The following ARHGAP11A variants were observed in gnomAD, a reference collection of about 807,000 sequenced individuals.
ARHGAP11A encodes the protein rho GTPase-activating protein 11A.
In ARHGAP11A, 36 loss-of-function variants were observed where a neutral mutation model predicts 60.5. That is an observed-to-expected ratio of 0.59 (90% confidence interval 0.46 to 0.79). The LOEUF is 0.79. Ranked by LOEUF, ARHGAP11A falls within the 30% of genes least tolerant of loss-of-function variation. The pLI is 0.00. For missense variants in ARHGAP11A, 1,071 were observed against 1,199.2 expected, an observed-to-expected ratio of 0.89 and a Z score of 1.58; for synonymous variants, 362 against 415.5, an observed-to-expected ratio of 0.87 and a Z score of 1.57.
chr15:32,624,074 T>G, intron 3 of ARHGAP11A, 99 bp from the exon 4 acceptor site: 1 of 1,426,086 alleles, frequency 7.0e-7, no homozygotes, highest in Admixed American at 2.2e-5. Context: ...TAAGAGAAAT[T>G]TATTAAAGAA....
Position 32,625,497 on chromosome 15 carries a change from A to G in ARHGAP11A, c.726A>G (p.Pro242=). ...IDYASDIGRV[P]DFILEKIPAM... ...AACATTTTCATTTAGGGCGTGTACC[A>G]GATTTTATCCTGGAAAAGATACCAG... Residue 242 remains proline, a synonymous_variant, in exon 6 of 12, where the codon CCA becomes CCG. Transcript: ENST00000361627. The G allele has an allele frequency of 1.2e-6, 2 of 1,613,970 alleles. No individual in the cohort carries two copies. Among genetic ancestry groups the G allele is most frequent in the South Asian group, 2.2e-5 (2 of 91,074 alleles).
intron 1 of ARHGAP11A, among the ~76,000 whole-genome samples, chr15:32,618,429 T>A (rs28633272): frequency 0.27 from 41,120 of 152,226 alleles, 6,001 homozygotes; most frequent in Middle Eastern, 0.35. Context: ...TAACATTTTT[T>A]AAAATAGTTC....
intron 6 of ARHGAP11A, among the ~76,000 whole-genome samples, chr15:32,627,811 C>CT (rs369719619): frequency 0.83 from 112,107 of 135,718 alleles, 47,189 homozygotes; most frequent in East Asian, 0.91. Flanking sequence ...TTAAGGCTCA[C>CT]TTTTTTTTTT....
rs1419333597 is a variant in ARHGAP11A at position 32,636,383 on chromosome 15, C to A, written c.1610C>A (p.Ala537Asp). Residue 537 changes from alanine to aspartate, a missense_variant, in exon 12 of 12, where the codon GCT (alanine) becomes GAT (aspartate). Around this residue, in one of 4 missense-constraint regions of ARHGAP11A, gnomAD observed 776 missense variants for 760.2 expected, o/e 1.02. Transcript: ENST00000361627. The part of the protein sequence containing the change: ...SSFQEVDANE[A>D]SSMVENLEVE... ...TTTCAAGAAGTAGATGCAAATGAAG[C>A]TTCTTCAATGGTGGAAAATCTTGAG... 1 of 1,614,096 alleles carries A rather than the reference C, an allele frequency of 6.2e-7. No individual in the cohort carries two copies. Among genetic ancestry groups the A allele is most frequent in the African/African-American group, 1.3e-5 (1 of 75,044 alleles).
chr15:32,631,905 C>T (rs1263803930), intron 8 of ARHGAP11A, among the ~76,000 whole-genome samples: 1 of 152,156 alleles, frequency 6.6e-6, no homozygotes, highest in African/African-American at 2.4e-5. Context: ...GAACTCCTGG[C>T]CTCAAGCAAT....
chr15:32,638,479 C>T lies in ARHGAP11A; in HGVS notation c.*634C>T, dbSNP rs2053775693. 2 of 152,124 alleles carry T rather than the reference C, an allele frequency of 1.3e-5. No individual in the cohort carries two copies. 9.4% of individuals were successfully genotyped at this position (152,124 alleles called of 1,614,324 possible). On this transcript the variant is annotated 3_prime_UTR_variant, in exon 12 of 12. Transcript: ENST00000361627. ...GAATGGAGCAAGTTGTGCCTATTTCCTCCAAGTCAGATAAGGTTTCTAAAA... is the reference window on the plus strand; with the variant it reads ...GAATGGAGCAAGTTGTGCCTATTTCTTCCAAGTCAGATAAGGTTTCTAAAA...
At chr15:32,628,879 A>C in intron 7 of ARHGAP11A, 77 bp downstream of exon 7, 1 of 1,082,248 alleles carries the variant, frequency 9.2e-7, no homozygotes, top group Non-Finnish European at 1.3e-6. Flanking sequence ...AATAATAATT[A>C]CCTAACTTAG....
intron 2 of ARHGAP11A, among the ~76,000 whole-genome samples, chr15:32,620,550 T>C (rs1332301466): frequency 6.6e-6 from 1 of 151,824 alleles, no homozygotes; most frequent in African/African-American, 2.4e-5. Context: ...TCTCATAATG[T>C]TAAAAATATT....
At chr15:32,629,981 C>T (rs188875496) in intron 8 of ARHGAP11A, among the ~76,000 whole-genome samples, 1,724 of 93,794 alleles carry the variant, frequency 0.018, 73 homozygotes, top group Middle Eastern at 0.031. Flanking sequence ...TGTGTTATGA[C>T]AACATCTATT....
intron 10 of ARHGAP11A, among the ~76,000 whole-genome samples, chr15:32,634,753 G>T (rs1355351543): frequency 6.6e-6 from 1 of 152,140 alleles, no homozygotes; most frequent in Non-Finnish European, 1.5e-5. Context: ...CGTTCTTCCA[G>T]TCACTTAAGC....
intron 6 of ARHGAP11A, among the ~76,000 whole-genome samples, chr15:32,626,998 C>T (rs568225368): frequency 6.6e-6 from 1 of 152,296 alleles, no homozygotes; most frequent in South Asian, 2.1e-4. Context: ...TTGGAGAACA[C>T]AATGCAACCC....
chr15:32,629,124 T>A (rs2053532760), intron 7 of ARHGAP11A, among the ~76,000 whole-genome samples: 1 of 151,230 alleles, frequency 6.6e-6, no homozygotes, highest in Non-Finnish European at 1.5e-5. Flanking sequence ...GACTAGAAGT[T>A]CATTATTGTA....
At chr15:32,626,780 A>G (rs1286046164) in intron 6 of ARHGAP11A, among the ~76,000 whole-genome samples, 2 of 152,208 alleles carry the variant, frequency 1.3e-5, no homozygotes, top group African/African-American at 2.4e-5. Flanking sequence ...AGTCCTTAGC[A>G]TTCCTTGGCT....
intron 8 of ARHGAP11A, among the ~76,000 whole-genome samples, chr15:32,630,539 T>C (rs1442022515): frequency 6.6e-6 from 1 of 150,554 alleles, no homozygotes; most frequent in Non-Finnish European, 1.5e-5. Flanking sequence ...TTACATTTAG[T>C]CAAAATGTGA....
rs2053806189 is a variant in ARHGAP11A, at chr15:32,639,714, T to C, written c.*1869T>C. 2 of 152,202 alleles carry C rather than the reference T, an allele frequency of 1.3e-5. No homozygotes were observed. The highest frequency in any genetic ancestry group is 6.5e-5 in the Admixed American group (1 of 15,284). 9.4% of individuals were successfully genotyped at this position (152,202 alleles called of 1,614,324 possible). ...TAGCTGAAAGCTGCTATACGGAGTA[T>C]TACAGGAATGTGAAGGTGACTAGCT... is the stretch of plus-strand genomic sequence containing the variant. On this transcript the variant is annotated 3_prime_UTR_variant, in exon 12 of 12. Transcript: ENST00000361627.
At position 32,636,689 on chromosome 15, in the gene ARHGAP11A, C is replaced by T; in HGVS notation, c.1916C>T (p.Pro639Leu). ...LTEPSYLEDSPEENLFETNDL... is the reference protein window; with the variant it reads ...LTEPSYLEDSLEENLFETNDL... ...GAACCATCTTATTTAGAAGATAGCC[C>T]AGAGGAAAATCTATTTGAAACTAAT... The change falls in exon 12 of 12, where the codon CCA becomes CTA. Residue 639 changes from proline (P) to leucine (L), a missense_variant. Physicochemically the swap from Pro to Leu is moderately conservative, Grantham distance 98 (BLOSUM62 -3). This residue lies in a region of ARHGAP11A where 776 missense variants were observed against 760.2 expected (regional missense o/e 1.02). Coordinates refer to ENST00000361627, the MANE Select transcript of ARHGAP11A (RefSeq NM_014783.6). 1 of 1,613,754 alleles carries T rather than the reference C, an allele frequency of 6.2e-7. No individual in the cohort carries two copies. The highest frequency in any genetic ancestry group is 8.5e-7 in the Non-Finnish European group (1 of 1,179,914).
chr15:32,627,811 CTTT>C (rs369719619), intron 6 of ARHGAP11A, among the ~76,000 whole-genome samples: 5 of 135,752 alleles, frequency 3.7e-5, no homozygotes, highest in African/African-American at 8.2e-5. Flanking sequence ...TTAAGGCTCA[CTTT>C]TTTTTTTTTT....
chr15:32,622,624 T>C (rs1256032099), intron 2 of ARHGAP11A, among the ~76,000 whole-genome samples: 1 of 152,062 alleles, frequency 6.6e-6, no homozygotes, highest in African/African-American at 2.4e-5. Context: ...TGGTAGCCGA[T>C]ATTCATTCTA....
chr15:32,636,585 T>C lies in ARHGAP11A; in HGVS notation c.1812T>C (p.Ser604=), dbSNP rs1396878307. ...TGGTGAAAGTTCAAAAAGCGTTTTCTGAATCTGGAAGTAATCTTCACGCAT... is the reference window on the plus strand; with the variant it reads ...TGGTGAAAGTTCAAAAAGCGTTTTCCGAATCTGGAAGTAATCTTCACGCAT... The part of the protein sequence containing the change: ...ETLVKVQKAF[S]ESGSNLHALM... The change falls in exon 12 of 12, where the codon TCT becomes TCC. Residue 604 remains serine (S), a synonymous_variant. Coordinates refer to ENST00000361627, the MANE Select transcript of ARHGAP11A (RefSeq NM_014783.6). 6.2e-7 allele frequency: 1 copy of C among 1,614,030 alleles called. No individual in the cohort carries two copies. The highest frequency in any genetic ancestry group is 8.5e-7 in the Non-Finnish European group (1 of 1,180,012).
Sources: allele counts gnomAD v4.1 joint callset (sites outside exome capture counted in the v4.1 genomes callset), GRCh38; gene constraint gnomAD v4.1.1; regional missense constraint gnomAD v4.1.1; transcripts MANE v1.5; gene names NCBI Gene and HGNC (gene_info 2026-07-23, HGNC 2026-07-21).